Variants in SEC24B observed in about 807,000 individuals in gnomAD.
SEC24B encodes protein transport protein Sec24B.
In SEC24B, 45 loss-of-function variants were observed where a neutral mutation model predicts 142.8. The ratio of observed to expected loss-of-function variants is 0.32; its 90% confidence interval spans 0.25 to 0.40. SEC24B has a LOEUF of 0.40. Ranked by LOEUF, SEC24B falls within the 10% of genes least tolerant of loss-of-function variation. The pLI is 1.00. For missense variants in SEC24B, 1,409 were observed against 1,526.8 expected, an observed-to-expected ratio of 0.92 and a Z score of 1.29; for synonymous variants, 574 against 568.2, an observed-to-expected ratio of 1.01 and a Z score of -0.15.
intron 4 of SEC24B, among the ~76,000 whole-genome samples, chr4:109,483,110 T>C (rs571478823): frequency 1.8e-4 from 24 of 135,302 alleles, no homozygotes; most frequent in Admixed American, 1.3e-3. Context: ...GATGGAGTCT[T>C]GCTCTGTTGC....
chr4:109,535,304 A>G (rs1476801854), intron 22 of SEC24B, among the ~76,000 whole-genome samples: 1 of 152,174 alleles, frequency 6.6e-6, no homozygotes, highest in East Asian at 1.9e-4. Flanking sequence ...CTGTAATCCC[A>G]GCACTTTGGG....
At chr4:109,483,344 G>T (rs1405029914) in intron 4 of SEC24B, among the ~76,000 whole-genome samples, 2 of 151,966 alleles carry the variant, frequency 1.3e-5, no homozygotes, top group African/African-American at 4.8e-5. Context: ...CTCCCAAAGT[G>T]CTGGGATTAC....
intron 16 of SEC24B, 28 bp from the exon 17 acceptor site, chr4:109,526,198 T>G (rs1435982141): frequency 6.2e-7 from 1 of 1,606,538 alleles, no homozygotes; most frequent in East Asian, 2.2e-5. Context: ...ATTGTTAACT[T>G]GATTTTTTAT....
At chr4:109,435,229 C>T (rs1036318683) in intron 1 of SEC24B, among the ~76,000 whole-genome samples, 3 of 152,186 alleles carry the variant, frequency 2.0e-5, no homozygotes, top group Admixed American at 6.5e-5. Context: ...CCTTAATATT[C>T]TTTGGATCAG....
rs1425971726 is a variant in SEC24B at position 109,532,526 on chromosome 4, C to T, written c.3391-113C>T. 30 of 737,556 alleles carry T rather than the reference C, an allele frequency of 4.1e-5. No individual in the cohort carries two copies. In the South Asian group the frequency reaches 4.6e-4, roughly 11 times the overall value. 45.7% of individuals were successfully genotyped at this position (737,556 alleles called of 1,614,324 possible). A position where few individuals can be genotyped will look rare whatever the true frequency, so the allele number is the denominator to read the frequency against. The stretch of plus-strand genomic sequence containing the variant: ...TATAATCAGTATTTTTTATATCATG[C>T]AAAACTCCCAAGTGTTATTTTCCAA... On this transcript the variant is annotated intron_variant, in intron 20 of 23. Coordinates refer to ENST00000265175, the MANE Select transcript of SEC24B (RefSeq NM_006323.5).
chr4:109,516,428 TTG>T (rs1722919564), intron 10 of SEC24B, 98 bp from the exon 11 acceptor site: 2 of 641,186 alleles, frequency 3.1e-6, no homozygotes, highest in South Asian at 2.5e-5. Flanking sequence ...TGTGTATTTT[TTG>T]TGTTAATATA....
Position 109,473,121 on chromosome 4 carries a change from C to G in SEC24B, c.995C>G (p.Thr332Ser), listed in dbSNP as rs1391359707. 3.7e-6 allele frequency: 6 copies of G among 1,600,132 alleles called. No homozygotes were observed. The African/African-American group carries it at 6.8e-5, about 18-fold the overall frequency. ...SGSSSTRTPP[T>S]ANHPVEPVTS... ...TCCTCATCAACAAGAACACCTCCCA[C>G]TGCAAATCACCCAGTTGAGCCTGTG... is the stretch of plus-strand genomic sequence containing the variant. Residue 332 changes from threonine to serine, a missense_variant, in exon 3 of 24, where the codon ACT becomes AGT. By Grantham distance (58) the Thr-to-Ser change is moderately conservative. Coordinates refer to ENST00000265175, the MANE Select transcript of SEC24B (RefSeq NM_006323.5).
chr4:109,498,390 C>T (rs1267105790), intron 6 of SEC24B, among the ~76,000 whole-genome samples: 4 of 152,142 alleles, frequency 2.6e-5, no homozygotes, highest in Non-Finnish European at 5.9e-5. Flanking sequence ...CGGAGTCTTG[C>T]TCTGTCGCCC....
intron 6 of SEC24B, among the ~76,000 whole-genome samples, chr4:109,499,001 T>C (rs937678210): frequency 2.4e-4 from 37 of 152,186 alleles, no homozygotes; most frequent in African/African-American, 7.2e-4. Flanking sequence ...AGATACTATA[T>C]AGCTTTTAAA....
chr4:109,513,977 A>G, intron 10 of SEC24B, 121 bp downstream of exon 10: 2 of 618,306 alleles, frequency 3.2e-6, no homozygotes, highest in East Asian at 2.8e-5. Context: ...TTTAAAAACA[A>G]ATTAATGCTG....
At chr4:109,531,225 C>G (rs1482446978) in intron 19 of SEC24B, among the ~76,000 whole-genome samples, 160 bp from the exon 20 acceptor site, 1 of 152,198 alleles carries the variant, frequency 6.6e-6, no homozygotes, top group Non-Finnish European at 1.5e-5. Flanking sequence ...GTAACTTGCT[C>G]CAGCATCACA....
chr4:109,462,877 A>C (rs1731420863), intron 1 of SEC24B, 24 bp from the exon 2 acceptor site: 2 of 1,447,254 alleles, frequency 1.4e-6, no homozygotes, highest in Non-Finnish European at 1.8e-6. Flanking sequence ...CTTTACAAAT[A>C]CCTGTAAATA....
rs895587870 is a variant in SEC24B, at chr4:109,494,834, C to T, written c.1466C>T (p.Ser489Phe). 1.5e-5 allele frequency: 24 copies of T among 1,613,962 alleles called. No individual in the cohort carries two copies. The highest frequency in any genetic ancestry group is 2.0e-5 in the Non-Finnish European group (24 of 1,179,936). ...SGVQPSNPVY[S>F]GFQQYPQQYP... ...GTACAGCCCAGTAACCCGGTATATTCTGGATTCCAGCAGTATCCTCAAGTA... is the reference window on the plus strand; with the variant it reads ...GTACAGCCCAGTAACCCGGTATATTTTGGATTCCAGCAGTATCCTCAAGTA... Residue 489 changes from serine to phenylalanine, a missense_variant, in exon 6 of 24, where the codon TCT becomes TTT. Transcript: ENST00000265175.
intron 4 of SEC24B, among the ~76,000 whole-genome samples, chr4:109,485,348 C>T (rs893785549): frequency 6.6e-6 from 1 of 152,076 alleles, no homozygotes; most frequent in Non-Finnish European, 1.5e-5. Flanking sequence ...CACAGCTGCT[C>T]AGTAGGCAGA....
intron 2 of SEC24B, among the ~76,000 whole-genome samples, chr4:109,465,761 C>T (rs898538420): frequency 2.0e-5 from 3 of 152,046 alleles, no homozygotes; most frequent in Non-Finnish European, 2.9e-5. Flanking sequence ...TTGGGAAAGG[C>T]CTGTCATTAA....
intron 1 of SEC24B, among the ~76,000 whole-genome samples, chr4:109,439,476 T>A (rs1287379605): frequency 5.3e-3 from 44 of 8,272 alleles, no homozygotes; most frequent in East Asian, 0.021. Context: ...CTAAGCTGAT[T>A]TTTTTTTTTT....
chr4:109,485,038 C>G (rs1734207669), intron 4 of SEC24B, among the ~76,000 whole-genome samples: 1 of 151,984 alleles, frequency 6.6e-6, no homozygotes, highest in African/African-American at 2.4e-5. Flanking sequence ...GTATGTCTCC[C>G]TTGGTTTTTG....
chr4:109,533,867 A>G (rs920065101), intron 22 of SEC24B, among the ~76,000 whole-genome samples, 182 bp downstream of exon 22: 3 of 152,126 alleles, frequency 2.0e-5, no homozygotes, highest in Non-Finnish European at 4.4e-5. Context: ...AAAGAACCCC[A>G]TATCTCCCAA....
chr4:109,536,552 T>C (rs1381499802), intron 22 of SEC24B, among the ~76,000 whole-genome samples: 4 of 152,120 alleles, frequency 2.6e-5, no homozygotes, highest in Non-Finnish European at 4.4e-5. Flanking sequence ...TTTTTGGAGA[T>C]GGAGTCTCAC....
Sources: allele counts gnomAD v4.1 joint callset (sites outside exome capture counted in the v4.1 genomes callset), GRCh38; gene constraint gnomAD v4.1.1; transcripts MANE v1.5; gene names NCBI Gene and HGNC (gene_info 2026-07-23, HGNC 2026-07-21).